The following MYO3A variants were observed in gnomAD, a reference collection of about 807,000 sequenced individuals.
The protein encoded by MYO3A is myosin IIIA.
A neutral mutation model predicts 192.7 loss-of-function variants in MYO3A; 180 were observed. The observed-to-expected ratio is 0.93, with a 90% CI of 0.83 to 1.06. The LOEUF is 1.06. MYO3A is among the 50% of genes least tolerant of loss of function. The probability of loss-of-function intolerance (pLI) is 0.00; values close to 1 mark genes in which losing one functional copy is unlikely to be tolerated. For synonymous variants in MYO3A, 628 were observed against 645.3 expected, an observed-to-expected ratio of 0.97 and a Z score of 0.41; for missense variants, 1,896 against 1,905.0, an observed-to-expected ratio of 1.00 and a Z score of 0.09.
At chr10:25,992,871 G>T (rs1361123065) in intron 4 of MYO3A, among the ~76,000 whole-genome samples, 1 of 152,198 alleles carries the variant, frequency 6.6e-6, no homozygotes, top group African/African-American at 2.4e-5. Context: ...CTTGATCATA[G>T]TGGATAAGCT....
intron 32 of MYO3A, chr10:26,200,732 C>T (rs1270987268): frequency 2.0e-5 from 3 of 152,180 alleles, no homozygotes; most frequent in Non-Finnish European, 4.4e-5. Flanking sequence ...CAAATGAAAA[C>T]ATATATCATC....
chr10:26,122,782 T>C (rs907999193), intron 18 of MYO3A, among the ~76,000 whole-genome samples: 2 of 152,206 alleles, frequency 1.3e-5, no homozygotes, highest in African/African-American at 4.8e-5. Context: ...CCATTCTTGC[T>C]GGATAAAGAT....
intron 4 of MYO3A, among the ~76,000 whole-genome samples, chr10:25,993,060 T>C (rs1253697987): frequency 1.3e-5 from 2 of 152,240 alleles, no homozygotes; most frequent in African/African-American, 4.8e-5. Context: ...TTTCTATTGA[T>C]TGGAATAATT....
chr10:26,167,081 G>A (rs927323664), intron 27 of MYO3A, among the ~76,000 whole-genome samples: 4 of 152,122 alleles, frequency 2.6e-5, no homozygotes, highest in Admixed American at 6.5e-5. Context: ...AATGTATCAC[G>A]GGGAGGATGA....
intron 10 of MYO3A, among the ~76,000 whole-genome samples, chr10:26,063,436 T>C (rs1834630752): frequency 6.6e-6 from 1 of 152,256 alleles, no homozygotes; most frequent in African/African-American, 2.4e-5. Flanking sequence ...TTTTACATTT[T>C]ACATTTAGAT....
At chr10:26,102,712 CGCAAATATTGCAGAATG>C (rs1415918777) in intron 17 of MYO3A, among the ~76,000 whole-genome samples, 2 of 152,154 alleles carry the variant, frequency 1.3e-5, no homozygotes, top group African/African-American at 2.4e-5. Context: ...GCTGCAGAAC[CGCAAATATTGCAGAATG>C]GCAAATATTG....
At chr10:26,001,984 C>T (rs1374994338) in intron 6 of MYO3A, among the ~76,000 whole-genome samples, 2 of 152,308 alleles carry the variant, frequency 1.3e-5, no homozygotes, top group East Asian at 1.9e-4. Flanking sequence ...GAGACCCTTT[C>T]TGAGGAGGGA....
Position 25,935,819 on chromosome 10 carries a change from G to C in MYO3A, c.-29G>C, listed in dbSNP as rs1230831831. On this transcript the variant is annotated 5_prime_UTR_variant, in exon 2 of 35. Coordinates refer to ENST00000642920, the MANE Select transcript of MYO3A (RefSeq NM_017433.5). ...GAGCATTGTTATGCGTTATTTTCAA[G>C]CTTTGCTAACGGTAGGTGATAAAAT... The C allele has an allele frequency of 6.6e-6, 1 of 152,200 alleles. No individual in the cohort carries two copies. The highest frequency in any genetic ancestry group is 1.5e-5 in the Non-Finnish European group (1 of 68,034). The allele number at this position is 152,200 out of a possible 1,614,324, so 9.4% of individuals were successfully genotyped here.
chr10:26,087,441 A>G (rs1836407177), intron 14 of MYO3A, among the ~76,000 whole-genome samples: 1 of 152,212 alleles, frequency 6.6e-6, no homozygotes, highest in East Asian at 1.9e-4. Flanking sequence ...TAAAGTATTA[A>G]GGTAGGTATT....
chr10:25,977,896 T>C (rs2130776499), intron 4 of MYO3A, among the ~76,000 whole-genome samples: 1 of 152,282 alleles, frequency 6.6e-6, no homozygotes, highest in African/African-American at 2.4e-5. Context: ...GTCTCAGTAT[T>C]TTGGGGAGAC....
intron 17 of MYO3A, among the ~76,000 whole-genome samples, chr10:26,104,733 T>G (rs995792526): frequency 6.6e-6 from 1 of 151,974 alleles, no homozygotes; most frequent in African/African-American, 2.4e-5. Context: ...AAAATTTTTT[T>G]GTTCAGCTCC....
intron 25 of MYO3A, among the ~76,000 whole-genome samples, chr10:26,155,402 TC>T (rs1241841308): frequency 6.6e-6 from 1 of 152,224 alleles, no homozygotes; most frequent in Non-Finnish European, 1.5e-5. Context: ...TACTTTTTTT[TC>T]CTCTGTGCTC....
Position 26,062,045 on chromosome 10 carries a change from TG to T in MYO3A, c.954-4924del, listed in dbSNP as rs1834517046. Among the ~76,000 whole-genome samples the T allele has an allele frequency of 6.9e-5, 3 of 43,790 alleles. No homozygotes were observed. The South Asian group carries it at 2.3e-3, about 34-fold the overall frequency. The allele number at this position is 43,790 out of a possible 152,430, so 28.7% of individuals were successfully genotyped here. ...TGTGCAAATTCCATGCCAGACGTTG[TG>T]GGGGGATATACAGTCACTTAGTCAT... On this transcript the variant is annotated intron_variant, in intron 10 of 34. Transcript: ENST00000642920.
intron 6 of MYO3A, among the ~76,000 whole-genome samples, chr10:26,011,468 T>C (rs1841656235): frequency 6.6e-6 from 1 of 152,082 alleles, no homozygotes; most frequent in South Asian, 2.1e-4. Context: ...TTATGATTTA[T>C]ATACTTAGTT....
rs569943992 is a variant in MYO3A, at chr10:26,021,001, C to T, written c.586-502C>T. ...ACCTTTTGCATTCCTCCAAACTTGT[C>T]TTATTCCTCCCTTAGGTAGCCTTGC... On this transcript the variant is annotated intron_variant, in intron 7 of 34. Transcript: ENST00000642920. Among the ~76,000 whole-genome samples the T allele has an allele frequency of 9.9e-5, 15 of 152,280 alleles. 1 individual carries two copies. Among genetic ancestry groups the T allele is most frequent in the Admixed American group, 9.8e-4 (15 of 15,302 alleles).
intron 14 of MYO3A, among the ~76,000 whole-genome samples, chr10:26,075,657 CATAT>C (rs111823689): frequency 1.4e-5 from 2 of 140,820 alleles, no homozygotes; most frequent in Non-Finnish European, 1.5e-5. Context: ...ATATGTCTCT[CATAT>C]ATATATGATA....
chr10:26,199,897 G>C (rs1373346572), intron 32 of MYO3A, among the ~76,000 whole-genome samples: 1 of 152,194 alleles, frequency 6.6e-6, no homozygotes, highest in Non-Finnish European at 1.5e-5. Context: ...CAGGACCTCT[G>C]TAGGAAACTA....
At chr10:26,051,063 T>A (rs908883111) in intron 10 of MYO3A, among the ~76,000 whole-genome samples, 6 of 152,182 alleles carry the variant, frequency 3.9e-5, no homozygotes, top group African/African-American at 1.4e-4. Context: ...ACAGCTGTAG[T>A]CAGTGAAAAA....
intron 1 of MYO3A, 59 bp from the exon 2 acceptor site, chr10:25,935,685 T>C (rs1184895458): frequency 6.6e-6 from 1 of 152,230 alleles, no homozygotes; most frequent in Non-Finnish European, 1.5e-5. Flanking sequence ...CTGATTATTT[T>C]CCCCAGATCC....
Sources: gnomAD v4.1 joint callset for allele counts (sites outside exome capture counted in the v4.1 genomes callset) on GRCh38, gnomAD v4.1.1 for gene constraint, MANE v1.5 for transcripts, NCBI Gene and HGNC (gene_info 2026-07-23, HGNC 2026-07-21) for gene names.